The following SEMA4D variants were observed in gnomAD, a reference collection of about 807,000 sequenced individuals.
SEMA4D encodes the protein semaphorin 4D, also known as semaphorin-4D.
Under a neutral mutation model 74.8 loss-of-function variants are expected in SEMA4D, and 22 were observed. The observed-to-expected ratio is 0.29, with a 90% confidence interval of 0.21 to 0.42. The LOEUF (loss-of-function observed/expected upper bound fraction) is 0.42, where lower values mean the gene tolerates loss of function less well. Ranked by LOEUF, SEMA4D falls within the 10% of genes least tolerant of loss-of-function variation. SEMA4D has a pLI of 1.00. For synonymous variants in SEMA4D, 445 were observed against 463.7 expected (o/e 0.96, Z 0.52); for missense variants, 937 against 1,118.4 (o/e 0.84, Z 2.31).
Position 89,387,373 on chromosome 9 carries a change from C to T in SEMA4D, c.1330+13G>A. 6.3e-7 allele frequency: 1 copy of T among 1,597,916 alleles called. No individual in the cohort carries two copies. Among genetic ancestry groups the T allele is most frequent in the Non-Finnish European group, 8.6e-7 (1 of 1,167,568 alleles). On this transcript the variant is annotated intron_variant, in intron 12 of 15. Transcript: ENST00000422704. ...GCTGTCACTGTCAAGCCTGCCAAGC[C>T]CTCGGAACCCACCTGTGCTGACAAA...
intron 1 of SEMA4D, among the ~76,000 whole-genome samples, chr9:89,491,368 G>A (rs757156210): frequency 1.3e-5 from 2 of 152,142 alleles, no homozygotes; most frequent in Non-Finnish European, 2.9e-5. Context: ...TCAGGAGATC[G>A]AGACCATCCT....
intron 16 of SEMA4D, among the ~76,000 whole-genome samples, chr9:89,366,363 A>G (rs925854831): frequency 6.6e-6 from 1 of 152,242 alleles, no homozygotes; most frequent in Non-Finnish European, 1.5e-5. Flanking sequence ...TTTTATAATA[A>G]TAATTTTTTA....
At chr9:89,430,630 G>C (rs890963840) in intron 2 of SEMA4D, among the ~76,000 whole-genome samples, 2 of 152,244 alleles carry the variant, frequency 1.3e-5, no homozygotes, top group African/African-American at 4.8e-5. Flanking sequence ...GCCCTGCCCA[G>C]GGATGTTTAT....
At chr9:89,451,876 C>T (rs1241557699) in intron 2 of SEMA4D, among the ~76,000 whole-genome samples, 2 of 152,174 alleles carry the variant, frequency 1.3e-5, no homozygotes, top group African/African-American at 4.8e-5. Flanking sequence ...CAAGGTAGTG[C>T]ATCTTGCCTT....
rs745830479 is a variant in SEMA4D, at chr9:89,362,438, C to T, written c.2191-10G>A. 8.1e-6 allele frequency: 13 copies of T among 1,613,896 alleles called. No homozygotes were observed. In the South Asian group the frequency reaches 9.9e-5, roughly 12 times the overall value. On this transcript the variant is annotated splice_polypyrimidine_tract_variant and intron_variant, in intron 18 of 18. Coordinates refer to the SEMA4D transcript ENST00000339861. ...CCTTGCTACAGCTTTCCTGAAAGAACAATGTGGTCTTTGAATCCTTGGTGG... is the reference window on the plus strand; with the variant it reads ...CCTTGCTACAGCTTTCCTGAAAGAATAATGTGGTCTTTGAATCCTTGGTGG...
intron 2 of SEMA4D, chr9:89,450,059 A>G: frequency 7.5e-7 from 1 of 1,339,652 alleles, no homozygotes; most frequent in Non-Finnish European, 1.1e-6. Context: ...CACAAGTGAC[A>G]GAAGCCTGGA....
chr9:89,443,216 C>T lies in SEMA4D; in HGVS notation c.-244+12672G>A, dbSNP rs1021907114. Reference sequence around the variant, plus strand: ...GGCGGGATTATGACCACCCACACTACCCCCCTGGACAGAGGCCGGGTCGCG... The same window carrying T: ...GGCGGGATTATGACCACCCACACTATCCCCCTGGACAGAGGCCGGGTCGCG... On this transcript the variant is annotated intron_variant, in intron 2 of 15. Transcript: ENST00000422704. Among the ~76,000 whole-genome samples, 9 of 152,232 alleles carry T rather than the reference C, an allele frequency of 5.9e-5. No individual in the cohort carries two copies. In the East Asian group the frequency reaches 1.7e-3, roughly 29 times the overall value.
At chr9:89,379,729 C>T (rs1696426433) in intron 15 of SEMA4D, 100 bp from the exon 16 acceptor site, 1 of 1,347,528 alleles carries the variant, frequency 7.4e-7, no homozygotes, top group South Asian at 1.4e-5. Context: ...GTTTCACCCA[C>T]TGTAGCAACA....
chr9:89,456,528 G>A (rs545623209), intron 1 of SEMA4D, among the ~76,000 whole-genome samples: 1 of 152,232 alleles, frequency 6.6e-6, no homozygotes, highest in South Asian at 2.1e-4. Flanking sequence ...AAGAAGGGGA[G>A]GAGAAGGAGG....
chr9:89,423,738 C>A (rs1255965726), intron 2 of SEMA4D, among the ~76,000 whole-genome samples: 1 of 151,232 alleles, frequency 6.6e-6, no homozygotes, highest in Non-Finnish European at 1.5e-5. Context: ...AGTACTTCAC[C>A]TCCCCCGGCT....
chr9:89,372,772 G>GT (rs1263335728), downstream of SEMA4D, among the ~76,000 whole-genome samples: 2 of 151,990 alleles, frequency 1.3e-5, no homozygotes, highest in East Asian at 3.9e-4. Context: ...CATGCTTGGG[G>GT]TGACACCATG....
At position 89,381,970 on chromosome 9, in the gene SEMA4D, T is replaced by C. The variant is rs1837199423; in HGVS notation, c.1447-624A>G. 6.6e-6 allele frequency: 1 copy of C among 152,152 alleles called. No individual in the cohort carries two copies. Among genetic ancestry groups the C allele is most frequent in the Admixed American group, 6.5e-5 (1 of 15,272 alleles). 9.4% of individuals were successfully genotyped at this position (152,152 alleles called of 1,614,324 possible). Reference sequence around the variant, plus strand: ...ATGCCTTTTGCTTTTCACTTATCTATATGTAAAAGGGAAGAGCTCACAGAC... The same window carrying C: ...ATGCCTTTTGCTTTTCACTTATCTACATGTAAAAGGGAAGAGCTCACAGAC... On this transcript the variant is annotated intron_variant, in intron 13 of 15. Coordinates refer to ENST00000422704, the MANE Select transcript of SEMA4D (RefSeq NM_001371194.2). This position sits in a 1 kb window ranked among gnomAD's most constrained non-coding sequence, Gnocchi z 4.6.
At chr9:89,421,212 A>T (rs1354698563) in intron 2 of SEMA4D, among the ~76,000 whole-genome samples, 1 of 152,196 alleles carries the variant, frequency 6.6e-6, no homozygotes, top group Non-Finnish European at 1.5e-5. Context: ...CCTTCTGCTC[A>T]ATCTCCTCAT....
chr9:89,459,535 G>C (rs532672166), intron 1 of SEMA4D, among the ~76,000 whole-genome samples: 6 of 152,148 alleles, frequency 3.9e-5, no homozygotes, highest in Non-Finnish European at 5.9e-5. Context: ...AAGGGTGTTG[G>C]GGGGGAGTCT....
rs71281350 is a variant in SEMA4D, at chr9:89,461,700, C to CTCTTTTTTTTTTTTTT, written c.-309-5748_-309-5747insAAAAAAAAAAAAAAGA. On this transcript the variant is annotated intron_variant, in intron 1 of 15. Coordinates refer to ENST00000422704, the MANE Select transcript of SEMA4D (RefSeq NM_001371194.2). ...GGGCCAATGTGTATTTCTTTTTTCTCTTTTTTTTTTTTTTTTTTTGGAGAC... is the reference window on the plus strand; with the variant it reads ...GGGCCAATGTGTATTTCTTTTTTCTCTCTTTTTTTTTTTTTTTTTTTTTTTTTTTTTTTTTGGAGAC... Among the ~76,000 whole-genome samples, 21 of 103,646 alleles carry CTCTTTTTTTTTTTTTT rather than the reference C, an allele frequency of 2.0e-4. 1 individual carries two copies. Among genetic ancestry groups the CTCTTTTTTTTTTTTTT allele is most frequent in the East Asian group, 3.7e-4 (1 of 2,734 alleles). 68.0% of individuals were successfully genotyped at this position (103,646 alleles called of 152,430 possible).
chr9:89,378,649 T>C lies in SEMA4D; in HGVS notation c.*55A>G. The C allele has an allele frequency of 1.4e-6, 2 of 1,397,344 alleles. No individual in the cohort carries two copies. Among genetic ancestry groups the C allele is most frequent in the South Asian group, 1.2e-5 (1 of 81,914 alleles). 86.6% of individuals were successfully genotyped at this position (1,397,344 alleles called of 1,614,324 possible). On this transcript the variant is annotated 3_prime_UTR_variant, in exon 16 of 16. Transcript: ENST00000422704. ...ATACTGAACAGGAGAAACACAAAAC[T>C]CTCCACGCCTGGACACGTCGCAGCC...
chr9:89,434,657 A>G (rs1238705751), intron 2 of SEMA4D, among the ~76,000 whole-genome samples: 2 of 152,350 alleles, frequency 1.3e-5, no homozygotes, highest in Admixed American at 6.5e-5. Flanking sequence ...GAATTTTCCT[A>G]TCTCAAGGTT....
Position 89,450,687 on chromosome 9 carries a change from A to AAAAAAAAAAG in SEMA4D, c.-244+5200_-244+5201insCTTTTTTTTT, listed in dbSNP as rs1372309489. The AAAAAAAAAAG allele has an allele frequency of 3.3e-5, 32 of 982,466 alleles. No individual in the cohort carries two copies. The African/African-American group carries it at 4.7e-4, about 15-fold the overall frequency. 60.9% of individuals were successfully genotyped at this position (982,466 alleles called of 1,614,324 possible). A position where few individuals can be genotyped will look rare whatever the true frequency, so the allele number is the denominator to read the frequency against. ...AAAAAAAAAAAAAAAAAAAAAAAAA[A>AAAAAAAAAAG]GGCCTCCAAGACTGCAGAGAATGCC... is the stretch of plus-strand genomic sequence containing the variant. On this transcript the variant is annotated intron_variant, in intron 2 of 15. Coordinates refer to ENST00000422704, the MANE Select transcript of SEMA4D (RefSeq NM_001371194.2).
rs781590032 is a variant in SEMA4D at position 89,379,189 on chromosome 9, C to T, written c.2104G>A (p.Ala702Thr). 68 of 1,613,952 alleles carry T rather than the reference C, an allele frequency of 4.2e-5. 1 individual carries two copies. The South Asian group carries it at 7.5e-4, about 18-fold the overall frequency. ...GGTTCGCAGGATGTGCCGGTGGGCGCAGGCTTGGGAGGAAGGGTGATGGCC... is the reference window on the plus strand; with the variant it reads ...GGTTCGCAGGATGTGCCGGTGGGCGTAGGCTTGGGAGGAAGGGTGATGGCC... The part of the protein sequence containing the change: ...SGAITLPPKP[A>T]PTGTSCEPKI... The change falls in exon 16 of 16, where the codon GCG (alanine) becomes ACG (threonine). Residue 702 changes from alanine (A) to threonine (T), a missense_variant. Coordinates refer to ENST00000422704, the MANE Select transcript of SEMA4D (RefSeq NM_001371194.2).
Sources: allele counts gnomAD v4.1 joint callset (sites outside exome capture counted in the v4.1 genomes callset), GRCh38; gene constraint gnomAD v4.1.1; non-coding constraint Gnocchi (gnomAD v3.1); transcripts MANE v1.5; gene names NCBI Gene and HGNC (gene_info 2026-07-23, HGNC 2026-07-21).